Variants in TRERF1 observed in about 807,000 individuals in gnomAD.
The protein encoded by TRERF1 is transcriptional regulating factor 1, also known as transcriptional-regulating factor 1.
Under a neutral mutation model 122.9 loss-of-function variants are expected in TRERF1, and 27 were observed. The observed-to-expected ratio is 0.22, with a 90% CI of 0.16 to 0.30. The LOEUF (loss-of-function observed/expected upper bound fraction) is 0.30, where lower values mean the gene tolerates loss of function less well. Ranked by LOEUF, TRERF1 falls within the 10% of genes least tolerant of loss-of-function variation. The pLI is 1.00. For missense variants in TRERF1, 1,248 were observed against 1,560.3 expected (o/e 0.80, Z 3.37); for synonymous variants, 636 against 641.7 (o/e 0.99, Z 0.13).
chr6:42,343,623 G>T (rs1767713480), intron 3 of TRERF1, among the ~76,000 whole-genome samples: 1 of 152,170 alleles, frequency 6.6e-6, no homozygotes, highest in Admixed American at 6.5e-5. Flanking sequence ...TAAGGACAGA[G>T]CGTATGTGCA....
intron 3 of TRERF1, among the ~76,000 whole-genome samples, chr6:42,361,145 T>TA (rs1194203922): frequency 1.4e-4 from 21 of 152,170 alleles, no homozygotes; most frequent in Admixed American, 1.4e-3. Context: ...TTAGTGCCCT[T>TA]ATTCAGGAGG....
intron 2 of TRERF1, among the ~76,000 whole-genome samples, chr6:42,374,679 C>T (rs1414056129): frequency 6.6e-6 from 1 of 152,136 alleles, no homozygotes; most frequent in Non-Finnish European, 1.5e-5. Context: ...CCTACCATCT[C>T]CTCAGAGGTA....
chr6:42,349,851 A>G (rs1314692736), intron 3 of TRERF1, among the ~76,000 whole-genome samples: 1 of 152,196 alleles, frequency 6.6e-6, no homozygotes, highest in East Asian at 1.9e-4. Flanking sequence ...TTTATTTTAT[A>G]TCTTAAAAAA....
intron 3 of TRERF1, among the ~76,000 whole-genome samples, chr6:42,360,266 GAACCTCATTACTGT>G (rs1288429997): frequency 1.3e-5 from 2 of 152,168 alleles, no homozygotes; most frequent in African/African-American, 4.8e-5. Flanking sequence ...TATAAATGAG[GAACCTCATTACTGT>G]AATTTAATCT....
At chr6:42,270,231 T>C (rs1779983145) in intron 4 of TRERF1, among the ~76,000 whole-genome samples, 2 of 152,258 alleles carry the variant, frequency 1.3e-5, no homozygotes, top group African/African-American at 4.8e-5. Context: ...AACAGGAGAC[T>C]CGATTAGAAA....
chr6:42,271,524 C>G (rs1286614457), intron 4 of TRERF1, among the ~76,000 whole-genome samples: 3 of 152,134 alleles, frequency 2.0e-5, no homozygotes, highest in Non-Finnish European at 4.4e-5. Flanking sequence ...AAGCTATGCA[C>G]TATGACCTGG....
chr6:42,427,185 A>G (rs1471673467), intron 2 of TRERF1, among the ~76,000 whole-genome samples: 1 of 152,124 alleles, frequency 6.6e-6, no homozygotes, highest in Non-Finnish European at 1.5e-5. Context: ...ATTTGTTTTT[A>G]AAAAAGAACT....
Position 42,232,742 on chromosome 6 carries a change from G to A in TRERF1, c.3217C>T (p.His1073Tyr). 1.2e-6 allele frequency: 2 copies of A among 1,610,432 alleles called. No homozygotes were observed. The highest frequency in any genetic ancestry group is 1.7e-6 in the Non-Finnish European group (2 of 1,176,936). ...TCTGTCTCGCCGCTGGTGGTGCTGT[G>A]AGAGGGTGAGCTCTTTACCGAACAG... The change falls in exon 17 of 18, where the codon CAC (histidine) becomes TAC (tyrosine). Residue 1073 changes from histidine (H) to tyrosine (Y), a missense_variant. By Grantham distance (83) the His-to-Tyr change is moderately conservative (BLOSUM62 2). Around this residue, in one of 5 missense-constraint regions of TRERF1, gnomAD observed 159 missense variants for 221.7 expected, o/e 0.72. Coordinates refer to ENST00000372922, the Ensembl canonical transcript of TRERF1. The surrounding 1 kb of genome is among the most constrained non-coding windows in gnomAD (Gnocchi z 4.5).
intron 2 of TRERF1, among the ~76,000 whole-genome samples, chr6:42,449,478 A>C (rs570637513): frequency 7.9e-5 from 12 of 152,300 alleles, no homozygotes; most frequent in Non-Finnish European, 1.3e-4. Flanking sequence ...AAAAAAAAAA[A>C]AACTACTGTG....
At chr6:42,314,383 G>A (rs905364081) in intron 3 of TRERF1, among the ~76,000 whole-genome samples, 7 of 152,152 alleles carry the variant, frequency 4.6e-5, no homozygotes, top group African/African-American at 1.7e-4. Flanking sequence ...AAGAAGCCAA[G>A]CTCACCCGAT....
chr6:42,407,668 T>C (rs1780382070), intron 2 of TRERF1, among the ~76,000 whole-genome samples: 1 of 151,980 alleles, frequency 6.6e-6, no homozygotes, highest in Admixed American at 6.6e-5. Flanking sequence ...GTGCCGTCTC[T>C]CCACCGCAAC....
At chr6:42,369,474 G>A (rs1382960896) in intron 2 of TRERF1, among the ~76,000 whole-genome samples, 1 of 152,042 alleles carries the variant, frequency 6.6e-6, no homozygotes, top group Non-Finnish European at 1.5e-5. Flanking sequence ...CAAACAAACT[G>A]AGGAGTCCAA....
chr6:42,368,110 G>A (rs1773094241), intron 2 of TRERF1, among the ~76,000 whole-genome samples: 1 of 152,058 alleles, frequency 6.6e-6, no homozygotes, highest in Non-Finnish European at 1.5e-5. Flanking sequence ...ACAAACTTGG[G>A]AGATTGTTCA....
chr6:42,306,221 G>T (rs1689081), intron 3 of TRERF1, among the ~76,000 whole-genome samples: 3 of 151,912 alleles, frequency 2.0e-5, no homozygotes, highest in East Asian at 1.9e-4. Flanking sequence ...AGTCTGGTCT[G>T]GAACTCCTGA....
intron 3 of TRERF1, among the ~76,000 whole-genome samples, chr6:42,328,261 C>T (rs904020246): frequency 1.3e-5 from 2 of 151,916 alleles, no homozygotes; most frequent in South Asian, 2.1e-4. Context: ...TGCCCGCCTC[C>T]GCCTCACAGA....
intron 1 of TRERF1, among the ~76,000 whole-genome samples, 155 bp from the exon 2 acceptor site, chr6:42,451,416 T>A (rs550916930): frequency 1.4e-5 from 2 of 143,876 alleles, no homozygotes; most frequent in Non-Finnish European, 3.0e-5. Flanking sequence ...ACCTGGCCCC[T>A]CGTCCCCCCG....
intron 4 of TRERF1, among the ~76,000 whole-genome samples, chr6:42,277,338 G>T (rs1043126239): frequency 2.0e-5 from 3 of 152,160 alleles, no homozygotes; most frequent in East Asian, 3.9e-4. Context: ...TGTGGCTTGA[G>T]TCTCATATTG....
chr6:42,361,496 G>A (rs12662435), intron 3 of TRERF1, among the ~76,000 whole-genome samples: 5,657 of 152,110 alleles, frequency 0.037, 277 homozygotes, highest in East Asian at 0.24. Context: ...AATGTAAGGG[G>A]CTTTCGAGAA....
At chr6:42,426,464 C>T (rs932735207) in intron 2 of TRERF1, among the ~76,000 whole-genome samples, 20 of 152,190 alleles carry the variant, frequency 1.3e-4, no homozygotes, top group African/African-American at 4.6e-4. Context: ...ACCTAGATTT[C>T]CAATGTCCCC....
Sources: allele counts gnomAD v4.1 joint callset (sites outside exome capture counted in the v4.1 genomes callset), GRCh38; gene constraint gnomAD v4.1.1; regional missense constraint gnomAD v4.1.1; non-coding constraint Gnocchi (gnomAD v3.1); transcripts MANE v1.5; gene names NCBI Gene and HGNC (gene_info 2026-07-23, HGNC 2026-07-21).